The following FBXL13 variants were observed in gnomAD, a reference collection of about 807,000 sequenced individuals.
The protein encoded by FBXL13 is F-box and leucine rich repeat protein 13, also known as F-box and leucine-rich repeat protein 13.
FBXL13 carries 67 observed loss-of-function variants against 83.6 expected under a neutral mutation model. That is an observed-to-expected ratio of 0.80 (90% confidence interval 0.66 to 0.98). The LOEUF is 0.98. FBXL13 is among the 50% of genes least tolerant of loss of function. The pLI is 0.00. For missense variants in FBXL13, 822 were observed against 866.5 expected (o/e 0.95, Z 0.64); for synonymous variants, 272 against 299.5 (o/e 0.91, Z 0.95).
At chr7:103,011,637 C>CA (rs1323329438) in intron 6 of FBXL13, among the ~76,000 whole-genome samples, 2,730 of 58,188 alleles carry the variant, frequency 0.047, 49 homozygotes, top group African/African-American at 0.079. Context: ...GACTCTGTCT[C>CA]AAAAAAAAAA....
At chr7:102,873,333 C>A (rs1808778164) in intron 16 of FBXL13, among the ~76,000 whole-genome samples, 2 of 152,218 alleles carry the variant, frequency 1.3e-5, no homozygotes, top group Non-Finnish European at 2.9e-5. Flanking sequence ...CAGGAAGGCA[C>A]ACCATCCTTT....
At chr7:102,984,150 C>T (rs975697705) in intron 6 of FBXL13, among the ~76,000 whole-genome samples, 1 of 151,946 alleles carries the variant, frequency 6.6e-6, no homozygotes, top group Non-Finnish European at 1.5e-5. Context: ...AACATCAGTG[C>T]TCTTTTTAGC....
intron 6 of FBXL13, among the ~76,000 whole-genome samples, chr7:103,014,425 C>A (rs1345105032): frequency 6.6e-6 from 1 of 152,122 alleles, no homozygotes; most frequent in Non-Finnish European, 1.5e-5. Context: ...GGATTCACAG[C>A]TGAATTCTAT....
At chr7:102,955,757 C>T (rs1416328373) in intron 8 of FBXL13, among the ~76,000 whole-genome samples, 1 of 152,064 alleles carries the variant, frequency 6.6e-6, no homozygotes, top group Admixed American at 6.5e-5. Context: ...ATAAACACCT[C>T]TATGCAAATA....
At chr7:102,944,283 C>A (rs561044522) in intron 8 of FBXL13, 1 of 1,613,546 alleles carries the variant, frequency 6.2e-7, no homozygotes, top group Non-Finnish European at 8.5e-7. Context: ...TTGACTATGG[C>A]GTATTAGAAG....
intron 2 of FBXL13, among the ~76,000 whole-genome samples, chr7:103,031,608 C>T (rs1001580667): frequency 6.6e-6 from 1 of 152,130 alleles, no homozygotes; most frequent in African/African-American, 2.4e-5. Context: ...TCCCCAGACA[C>T]CCGTAGTTAC....
chr7:102,967,691 G>A (rs1006843144), intron 7 of FBXL13, among the ~76,000 whole-genome samples: 3 of 152,202 alleles, frequency 2.0e-5, no homozygotes, highest in Non-Finnish European at 4.4e-5. Flanking sequence ...TATAGTCTAT[G>A]CTCATGAAAA....
chr7:102,896,072 G>C (rs1812216502), intron 11 of FBXL13, among the ~76,000 whole-genome samples: 1 of 152,236 alleles, frequency 6.6e-6, no homozygotes, highest in Non-Finnish European at 1.5e-5. Context: ...TTGAAGAATA[G>C]AAAAGAAGCC....
intron 10 of FBXL13, among the ~76,000 whole-genome samples, chr7:102,915,718 A>C (rs1815712046): frequency 7.5e-6 from 1 of 133,124 alleles, no homozygotes; most frequent in Admixed American, 7.1e-5. Flanking sequence ...ATTGAAATAC[A>C]TAATTACCAA....
chr7:102,910,364 A>G (rs555008969), intron 11 of FBXL13, among the ~76,000 whole-genome samples: 84 of 151,844 alleles, frequency 5.5e-4, no homozygotes, highest in Non-Finnish European at 1.0e-3. Flanking sequence ...GGTTCTTATG[A>G]AGGTGTTTTT....
At chr7:102,855,722 T>C (rs1323118268) in intron 16 of FBXL13, among the ~76,000 whole-genome samples, 2 of 133,722 alleles carry the variant, frequency 1.5e-5, no homozygotes, top group African/African-American at 2.8e-5. Context: ...AAATGACACA[T>C]AGATTTGTCC....
rs538923477 is a variant in FBXL13 at position 103,066,584 on chromosome 7, G to A, written c.-105+7662C>T. Among the ~76,000 whole-genome samples the A allele has an allele frequency of 5.7e-4, 86 of 151,012 alleles. 1 individual carries two copies. Among genetic ancestry groups the A allele is most frequent in the Admixed American group, 9.9e-4 (15 of 15,162 alleles). On this transcript the variant is annotated intron_variant, in intron 1 of 19. Coordinates refer to ENST00000313221, the Ensembl canonical transcript of FBXL13. ...TTTTTTTTGTATTTTTAGTAGAGAC[G>A]AGGTTTTACCTTGTTAGCCAGGATG...
intron 1 of FBXL13, among the ~76,000 whole-genome samples, chr7:103,056,289 C>T (rs1797326051): frequency 6.6e-6 from 1 of 151,984 alleles, no homozygotes; most frequent in Non-Finnish European, 1.5e-5. Flanking sequence ...TGGGCTGGTT[C>T]CATATTTTTG....
At chr7:102,843,198 C>G (rs2129449534) in intron 17 of FBXL13, among the ~76,000 whole-genome samples, 1 of 152,322 alleles carries the variant, frequency 6.6e-6, no homozygotes, top group Non-Finnish European at 1.5e-5. Flanking sequence ...AACCCCAACA[C>G]TTTGGGAGGC....
chr7:102,854,573 A>G (rs754683120), intron 17 of FBXL13, among the ~76,000 whole-genome samples: 1 of 152,232 alleles, frequency 6.6e-6, no homozygotes, highest in African/African-American at 2.4e-5. Context: ...TGTTATAACA[A>G]TATCATTAAT....
At chr7:103,071,410 G>T (rs1585666006) in intron 1 of FBXL13, among the ~76,000 whole-genome samples, 2 of 152,130 alleles carry the variant, frequency 1.3e-5, no homozygotes, top group East Asian at 3.9e-4. Flanking sequence ...TAGAGATAGG[G>T]TCTTGCTCCA....
At chr7:102,957,195 C>T (rs555518985) in intron 8 of FBXL13, among the ~76,000 whole-genome samples, 1 of 152,080 alleles carries the variant, frequency 6.6e-6, no homozygotes, top group African/African-American at 2.4e-5. Context: ...ATATATACAC[C>T]AATGGAACAG....
chr7:103,016,731 G>C (rs562559112), intron 6 of FBXL13, among the ~76,000 whole-genome samples: 2 of 152,246 alleles, frequency 1.3e-5, no homozygotes, highest in Admixed American at 6.5e-5. Flanking sequence ...CTCATTGCTC[G>C]CACAGCAGTC....
chr7:102,856,097 GT>G (rs1806012886), intron 16 of FBXL13, among the ~76,000 whole-genome samples: 1 of 151,994 alleles, frequency 6.6e-6, no homozygotes, highest in South Asian at 2.1e-4. Context: ...TGTTTCTTCA[GT>G]TTCTTCAGGA....
Sources: allele counts gnomAD v4.1 joint callset (sites outside exome capture counted in the v4.1 genomes callset), GRCh38; gene constraint gnomAD v4.1.1; transcripts MANE v1.5; gene names NCBI Gene and HGNC (gene_info 2026-07-23, HGNC 2026-07-21).